The following FILIP1L variants were observed in gnomAD, a reference collection of about 807,000 sequenced individuals.
The protein encoded by FILIP1L is filamin A interacting protein 1 like, also known as filamin A-interacting protein 1-like.
In FILIP1L, 55 loss-of-function variants were observed where a neutral mutation model predicts 96.6. That is an observed-to-expected ratio of 0.57 (90% CI 0.46 to 0.71). The LOEUF (loss-of-function observed/expected upper bound fraction) is 0.71. FILIP1L is among the 30% of genes least tolerant of loss of function. FILIP1L has a pLI of 0.00. For synonymous variants in FILIP1L, 467 were observed against 473.9 expected, an observed-to-expected ratio of 0.99 and a Z score of 0.19; for missense variants, 1,304 against 1,321.2, an observed-to-expected ratio of 0.99 and a Z score of 0.20.
intron 5 of FILIP1L, among the ~76,000 whole-genome samples, chr3:99,840,328 A>T (rs925500706): frequency 2.1e-5 from 3 of 144,570 alleles, no homozygotes; most frequent in South Asian, 2.2e-4. Flanking sequence ...GGTTGAAGCG[A>T]TTCTCCTGCC....
chr3:99,987,667 T>C (rs1423390619), intron 1 of FILIP1L, among the ~76,000 whole-genome samples: 1 of 152,234 alleles, frequency 6.6e-6, no homozygotes, highest in African/African-American at 2.4e-5. Flanking sequence ...AATTCTGTTA[T>C]TAACATGACC....
intron 1 of FILIP1L, among the ~76,000 whole-genome samples, chr3:99,983,379 TAA>T (rs1709185440): frequency 4.9e-5 from 1 of 20,324 alleles, no homozygotes; most frequent in East Asian, 3.1e-3. Flanking sequence ...ACTTAAAAAA[TAA>T]ATAAATAAAT....
At chr3:100,005,435 G>C (rs1467598288) in intron 1 of FILIP1L, among the ~76,000 whole-genome samples, 1 of 152,172 alleles carries the variant, frequency 6.6e-6, no homozygotes, top group Non-Finnish European at 1.5e-5. Context: ...TAAAAATGTA[G>C]ATTCCAGGGT....
intron 4 of FILIP1L, among the ~76,000 whole-genome samples, chr3:99,872,270 T>TGTGTGC (rs1491271095): frequency 2.6e-4 from 2 of 7,786 alleles, no homozygotes; most frequent in African/African-American, 1.3e-3. Flanking sequence ...GTGCCAGGAC[T>TGTGTGC]GTGTGTGTGT....
At chr3:100,031,979 G>A (rs778120080) in intron 1 of FILIP1L, among the ~76,000 whole-genome samples, 4 of 151,854 alleles carry the variant, frequency 2.6e-5, no homozygotes, top group Non-Finnish European at 5.9e-5. Flanking sequence ...TATTTTTCAT[G>A]CATCATGAAA....
At chr3:100,046,724 A>G (rs1361837138) in intron 1 of FILIP1L, among the ~76,000 whole-genome samples, 1 of 152,172 alleles carries the variant, frequency 6.6e-6, no homozygotes, top group Non-Finnish European at 1.5e-5. Context: ...TGAGAAAAAT[A>G]CTCAAAATGC....
intron 1 of FILIP1L, among the ~76,000 whole-genome samples, chr3:99,979,435 G>A (rs1709057984): frequency 6.6e-6 from 1 of 152,154 alleles, no homozygotes; most frequent in African/African-American, 2.4e-5. Context: ...TTTTCTAATG[G>A]AGTAATTTCT....
chr3:99,860,811 T>TA lies in FILIP1L; in HGVS notation c.606-9742_606-9741insT, dbSNP rs542630993. 3.9e-5 allele frequency among the ~76,000 whole-genome samples: 6 copies of TA among 152,324 alleles called. No individual in the cohort carries two copies. The East Asian group carries it at 1.2e-3, about 29-fold the overall frequency. On this transcript the variant is annotated intron_variant, in intron 4 of 5. Transcript: ENST00000477258. ...ACTGCCTAAATAATGTGTTTTGACT[T>TA]CTGCAGTACTGTATTGTTAGGGAGC...
At chr3:99,975,682 C>T (rs779480372) in intron 1 of FILIP1L, among the ~76,000 whole-genome samples, 3 of 152,044 alleles carry the variant, frequency 2.0e-5, no homozygotes, top group Non-Finnish European at 2.9e-5. Context: ...AGGAAGAGAG[C>T]GTTCTGTTTT....
chr3:99,958,959 G>T (rs767780133), intron 1 of FILIP1L, among the ~76,000 whole-genome samples: 1 of 152,062 alleles, frequency 6.6e-6, no homozygotes, highest in Admixed American at 6.5e-5. Flanking sequence ...TATACCACTG[G>T]ATTCTTGTGT....
intron 4 of FILIP1L, among the ~76,000 whole-genome samples, chr3:99,863,111 G>A (rs1311483524): frequency 2.0e-5 from 3 of 152,290 alleles, no homozygotes; most frequent in East Asian, 3.9e-4. Context: ...TTTTTCCATG[G>A]ACATGGGAGA....
intron 1 of FILIP1L, among the ~76,000 whole-genome samples, chr3:100,026,885 T>C (rs1332252645): frequency 1.3e-5 from 2 of 152,090 alleles, no homozygotes; most frequent in African/African-American, 2.4e-5. Flanking sequence ...AGTCTCCGCA[T>C]CTTACTCAGC....
intron 1 of FILIP1L, among the ~76,000 whole-genome samples, chr3:100,022,638 A>G (rs1192304338): frequency 6.6e-6 from 1 of 152,220 alleles, no homozygotes; most frequent in Non-Finnish European, 1.5e-5. Flanking sequence ...CTGGCCAAGC[A>G]CAGGGGAAAA....
chr3:99,930,410 A>G (rs570445184), intron 2 of FILIP1L, among the ~76,000 whole-genome samples: 2 of 152,306 alleles, frequency 1.3e-5, no homozygotes, highest in African/African-American at 4.8e-5. Context: ...GGGCTAGTCT[A>G]GGAGCCAGTT....
intron 5 of FILIP1L, among the ~76,000 whole-genome samples, chr3:99,847,588 C>T (rs763557477): frequency 2.2e-4 from 34 of 152,210 alleles, no homozygotes; most frequent in Admixed American, 7.9e-4. Flanking sequence ...CAAAATTATT[C>T]GGTAGTATTT....
At chr3:99,880,158 A>C (rs1254761666) in intron 4 of FILIP1L, among the ~76,000 whole-genome samples, 1 of 152,122 alleles carries the variant, frequency 6.6e-6, no homozygotes, top group African/African-American at 2.4e-5. Flanking sequence ...GCCAAAGGGG[A>C]TGTCTGTGGT....
chr3:99,933,336 G>A (rs1413833448), intron 1 of FILIP1L, among the ~76,000 whole-genome samples: 2 of 152,136 alleles, frequency 1.3e-5, no homozygotes, highest in Non-Finnish European at 2.9e-5. Flanking sequence ...TCCCTAGGTA[G>A]CCAGGGAAAG....
chr3:99,861,927 G>A (rs1944279654), intron 4 of FILIP1L, among the ~76,000 whole-genome samples: 1 of 152,134 alleles, frequency 6.6e-6, no homozygotes, highest in Admixed American at 6.5e-5. Context: ...TCTGTAGAAT[G>A]GGGATAATAT....
At chr3:100,028,304 T>G (rs966179205) in intron 1 of FILIP1L, among the ~76,000 whole-genome samples, 22 of 152,188 alleles carry the variant, frequency 1.4e-4, no homozygotes, top group African/African-American at 5.3e-4. Context: ...CTGTCATTTT[T>G]CAGCCTTTGT....
Sources: gnomAD v4.1 joint callset for allele counts (sites outside exome capture counted in the v4.1 genomes callset) on GRCh38, gnomAD v4.1.1 for gene constraint, MANE v1.5 for transcripts, NCBI Gene and HGNC (gene_info 2026-07-23, HGNC 2026-07-21) for gene names.